FGD6: variants seen among roughly 807,000 people sequenced by gnomAD.
The protein encoded by FGD6 is FYVE, RhoGEF and PH domain containing 6.
Under a neutral mutation model 149.4 loss-of-function variants are expected in FGD6, and 90 were observed. The observed-to-expected ratio is 0.60, with a 90% confidence interval of 0.51 to 0.72. The LOEUF is 0.72. FGD6 is among the 30% of genes least tolerant of loss of function. The pLI, the probability that FGD6 is intolerant of heterozygous loss-of-function variation, is 0.00. For synonymous variants in FGD6, 527 were observed against 584.0 expected (o/e 0.90, Z 1.41); for missense variants, 1,437 against 1,684.8 (o/e 0.85, Z 2.57).
chr12:95,109,727 G>A (rs7306300), intron 9 of FGD6, among the ~76,000 whole-genome samples: 95,606 of 151,752 alleles, frequency 0.63, 30,383 homozygotes, highest in East Asian at 0.68. Flanking sequence ...GCTGGGTGTC[G>A]TGGCTCATGT....
At chr12:95,081,720 C>T (rs949654553) in intron 20 of FGD6, among the ~76,000 whole-genome samples, 164 bp from the exon 21 acceptor site, 4 of 143,532 alleles carry the variant, frequency 2.8e-5, no homozygotes, top group Admixed American at 7.2e-5. Context: ...GTTTTGCTCT[C>T]GTTGCTCAGG....
chr12:95,209,884 A>G lies in FGD6; in HGVS notation c.1400T>C (p.Leu467Ser). 1.2e-6 allele frequency: 2 copies of G among 1,613,424 alleles called. No homozygotes were observed. Among genetic ancestry groups the G allele is most frequent in the South Asian group, 1.1e-5 (1 of 90,714 alleles). The change falls in exon 2 of 21, where the codon TTG (leucine) becomes TCG (serine). Residue 467 changes from leucine (L) to serine (S), a missense_variant. Transcript: ENST00000343958. ...AACTCCCAGGTTTCTCCCAGATTGC[A>G]AATGTTCATTGCAAGTTAATTTGAG... ...KQLKLTCNEH[L>S]QSGRNLGVSA...
intron 9 of FGD6, among the ~76,000 whole-genome samples, chr12:95,108,883 T>C (rs1592835179): frequency 6.6e-6 from 1 of 152,334 alleles, no homozygotes; most frequent in African/African-American, 2.4e-5. Flanking sequence ...GATTTGATTA[T>C]CCTATTCAAG....
chr12:95,157,356 C>T (rs1880501992), intron 3 of FGD6, among the ~76,000 whole-genome samples: 1 of 152,094 alleles, frequency 6.6e-6, no homozygotes, highest in South Asian at 2.1e-4. Flanking sequence ...CACCTGAGGT[C>T]AGGAGATAGA....
intron 14 of FGD6, among the ~76,000 whole-genome samples, chr12:95,095,679 A>G (rs1162850135): frequency 6.6e-6 from 1 of 152,186 alleles, no homozygotes. Flanking sequence ...GTTAAAAAAA[A>G]AAGTCTGTAG....
At chr12:95,148,814 TA>T in intron 5 of FGD6, among the ~76,000 whole-genome samples, 1 of 56,034 alleles carries the variant, frequency 1.8e-5, no homozygotes, top group African/African-American at 6.2e-5. Context: ...TTATATTACA[TA>T]TATTATATAT....
chr12:95,078,597 A>C lies in FGD6; in HGVS notation c.*2923T>G, dbSNP rs1877569074. 1 of 152,218 alleles carries C rather than the reference A, an allele frequency of 6.6e-6. No homozygotes were observed. The highest frequency in any genetic ancestry group is 1.5e-5 in the Non-Finnish European group (1 of 68,024). The allele number at this position is 152,218 out of a possible 1,614,324, so 9.4% of individuals were successfully genotyped here. On this transcript the variant is annotated 3_prime_UTR_variant, in exon 21 of 21. Coordinates refer to ENST00000343958, the MANE Select transcript of FGD6 (RefSeq NM_018351.4). The stretch of plus-strand genomic sequence containing the variant: ...ATGCTACTACACACTCAAAGAATCA[A>C]GAATCTTGGGCAACCAAAATACAAT...
At chr12:95,191,686 T>C (rs190295004) in intron 2 of FGD6, among the ~76,000 whole-genome samples, 18 of 152,332 alleles carry the variant, frequency 1.2e-4, no homozygotes, top group Admixed American at 3.3e-4. Context: ...TCAAGTCCCT[T>C]ATATAAAATG....
intron 11 of FGD6, 66 bp from the exon 12 acceptor site, chr12:95,107,697 T>G: frequency 6.5e-7 from 1 of 1,547,912 alleles, no homozygotes; most frequent in Non-Finnish European, 8.9e-7. Context: ...ATAATTTCCT[T>G]TTCAACTTTC....
At chr12:95,111,409 ATTTGT>A (rs1565898763) in intron 9 of FGD6, among the ~76,000 whole-genome samples, 1 of 152,118 alleles carries the variant, frequency 6.6e-6, no homozygotes. Context: ...CTGACCCTGA[ATTTGT>A]TTTATGTGTA....
intron 2 of FGD6, among the ~76,000 whole-genome samples, chr12:95,196,119 TACAAA>T (rs547400276): frequency 5.9e-5 from 9 of 152,080 alleles, no homozygotes; most frequent in Admixed American, 4.6e-4. Context: ...AGACTCTGTC[TACAAA>T]ACAAAACAAA....
rs2056847800 is a variant in FGD6, at chr12:95,217,428, C to T, written c.-188G>A. 3.1e-6 allele frequency: 3 copies of T among 974,580 alleles called. No individual in the cohort carries two copies. Among genetic ancestry groups the T allele is most frequent in the Non-Finnish European group, 4.2e-6 (3 of 716,054 alleles). The allele number at this position is 974,580 out of a possible 1,614,324, so 60.4% of individuals were successfully genotyped here. A position where few individuals can be genotyped will look rare whatever the true frequency, so the allele number is the denominator to read the frequency against. On this transcript the variant is annotated 5_prime_UTR_variant, in exon 1 of 21. Transcript: ENST00000343958. The stretch of plus-strand genomic sequence containing the variant: ...CGACTCTAGCGACCCTGCGGCGCTC[C>T]CGGGCGCGAGCCGCCGGGGTCGGGC...
intron 5 of FGD6, among the ~76,000 whole-genome samples, chr12:95,148,695 T>C (rs1206869567): frequency 9.1e-6 from 1 of 109,830 alleles, no homozygotes; most frequent in Non-Finnish European, 1.7e-5. Flanking sequence ...ATATATATTA[T>C]ATATTATATA....
At chr12:95,144,296 T>C (rs1340057343) in intron 5 of FGD6, among the ~76,000 whole-genome samples, 1 of 152,156 alleles carries the variant, frequency 6.6e-6, no homozygotes, top group Non-Finnish European at 1.5e-5. Context: ...AAAAGCAGTA[T>C]GTCAGAATAA....
At chr12:95,192,487 C>T (rs1448631556) in intron 2 of FGD6, among the ~76,000 whole-genome samples, 1 of 152,200 alleles carries the variant, frequency 6.6e-6, no homozygotes, top group Non-Finnish European at 1.5e-5. Flanking sequence ...TTCACTTCCT[C>T]ATTCATTCTT....
At position 95,077,040 on chromosome 12, in the gene FGD6, C is replaced by A. The variant is rs1285510887; in HGVS notation, c.*4480G>T. 1 of 152,104 alleles carries A rather than the reference C, an allele frequency of 6.6e-6. No individual in the cohort carries two copies. Among genetic ancestry groups the A allele is most frequent in the Non-Finnish European group, 1.5e-5 (1 of 68,030 alleles). 9.4% of individuals were successfully genotyped at this position (152,104 alleles called of 1,614,324 possible). A position where few individuals can be genotyped will look rare whatever the true frequency, so the allele number is the denominator to read the frequency against. ...TTAGGCTTTAAAAAATTTCCTACTA[C>A]CTTTATCTTTTAAAAAACCCTACTC... On this transcript the variant is annotated 3_prime_UTR_variant, in exon 21 of 21. Transcript: ENST00000343958.
At position 95,192,241 on chromosome 12, in the gene FGD6, AG is replaced by A. The variant is rs1881610814; in HGVS notation, c.2441+16601del. ...ATGGGTGTGCAACTGATGAATACAAAGAGCAGAATGTACATGTATTTTTTAG... is the reference window on the plus strand; with the variant it reads ...ATGGGTGTGCAACTGATGAATACAAAAGCAGAATGTACATGTATTTTTTAG... On this transcript the variant is annotated intron_variant, in intron 2 of 20. Coordinates refer to ENST00000343958, the MANE Select transcript of FGD6 (RefSeq NM_018351.4). 5.3e-5 allele frequency among the ~76,000 whole-genome samples: 8 copies of A among 152,318 alleles called. No individual in the cohort carries two copies. The South Asian group carries it at 1.7e-3, about 32-fold the overall frequency.
chr12:95,131,423 T>C (rs1284662564), intron 8 of FGD6, among the ~76,000 whole-genome samples: 1 of 152,176 alleles, frequency 6.6e-6, no homozygotes, highest in Admixed American at 6.5e-5. Flanking sequence ...GTTTTAAACC[T>C]AGCTTAAAAC....
chr12:95,152,887 G>A (rs375397306), intron 4 of FGD6, 39 bp downstream of exon 4: 90 of 1,613,302 alleles, frequency 5.6e-5, no homozygotes, highest in Non-Finnish European at 6.7e-5. Context: ...GTGCCAATGG[G>A]GGGAAAACAG....
Sources: gnomAD v4.1 joint callset for allele counts (sites outside exome capture counted in the v4.1 genomes callset) on GRCh38, gnomAD v4.1.1 for gene constraint, MANE v1.5 for transcripts, NCBI Gene and HGNC (gene_info 2026-07-23, HGNC 2026-07-21) for gene names.